Variants in HMG20A observed in about 807,000 individuals in gnomAD.
The protein encoded by HMG20A is high mobility group 20A.
A neutral mutation model predicts 43.9 loss-of-function variants in HMG20A; 17 were observed. The ratio of observed to expected loss-of-function variants is 0.39; its 90% CI spans 0.27 to 0.58. The LOEUF is 0.58. HMG20A is among the 20% of genes least tolerant of loss of function. The pLI, the probability that HMG20A is intolerant of heterozygous loss-of-function variation, is 0.59. For missense variants in HMG20A, 341 were observed against 438.2 expected (o/e 0.78, Z 1.98); for synonymous variants, 132 against 147.5 (o/e 0.89, Z 0.76).
chr15:77,468,597 T>TCACACACACACACACA (rs141417839), intron 4 of HMG20A, among the ~76,000 whole-genome samples: 1 of 147,708 alleles, frequency 6.8e-6, no homozygotes, highest in African/African-American at 2.5e-5. Context: ...TCTCTCTCTG[T>TCACACACACACACACA]CACACACACA....
At chr15:77,431,839 C>A (rs1567389728) in intron 1 of HMG20A, among the ~76,000 whole-genome samples, 1 of 146,864 alleles carries the variant, frequency 6.8e-6, no homozygotes, top group Non-Finnish European at 1.5e-5. Context: ...CTCTATACTT[C>A]CATGAGTTCA....
At chr15:77,487,168 G>A (rs936003037), downstream of HMG20A, among the ~76,000 whole-genome samples, 25 of 152,154 alleles carry the variant, frequency 1.6e-4, no homozygotes, top group African/African-American at 5.8e-4. Context: ...CCTGGAAATC[G>A]TATTCAACAC....
chr15:77,458,607 A>G, intron 2 of HMG20A, 111 bp downstream of exon 2: 1 of 621,224 alleles, frequency 1.6e-6, no homozygotes, highest in South Asian at 2.3e-5. Context: ...TAGACGGTGC[A>G]CTTGTTTCAC....
In HMG20A at chr15:77,478,418, T is replaced by C. The variant is rs1595932768; in HGVS notation, c.815T>C (p.Ile272Thr). The change falls in exon 8 of 10, where the codon ATC becomes ACC. Residue 272 changes from isoleucine to threonine, a missense_variant. This residue lies in a region of HMG20A where 118 missense variants were observed against 154.5 expected (regional missense o/e 0.76). Transcript: ENST00000336216. ...TAVEKLEVDV[I>T]QERSRNTVLQ... is the part of the protein sequence containing the mutation. Reference sequence around the variant, plus strand: ...GTGGAGAAGCTGGAGGTGGATGTGATCCAGGAGCGGAGCCGCAACACAGTC... The same window carrying C: ...GTGGAGAAGCTGGAGGTGGATGTGACCCAGGAGCGGAGCCGCAACACAGTC... The C allele has an allele frequency of 6.2e-7, 1 of 1,613,038 alleles. No homozygotes were observed. The highest frequency in any genetic ancestry group is 1.1e-5 in the South Asian group (1 of 91,036).
chr15:77,452,623 A>G (rs139561378), intron 1 of HMG20A, among the ~76,000 whole-genome samples: 1 of 152,374 alleles, frequency 6.6e-6, no homozygotes, highest in Non-Finnish European at 1.5e-5. Flanking sequence ...AAAGGCATAA[A>G]TGTTAAGAGC....
chr15:77,483,726 A>T lies in HMG20A; in HGVS notation c.*763A>T, dbSNP rs1206135633. The T allele has an allele frequency of 6.5e-6, 1 of 152,714 alleles. No homozygotes were observed. The highest frequency in any genetic ancestry group is 1.9e-4 in the East Asian group (1 of 5,204). The allele number at this position is 152,714 out of a possible 1,614,324, so 9.5% of individuals were successfully genotyped here. On this transcript the variant is annotated 3_prime_UTR_variant, in exon 10 of 10. Transcript: ENST00000336216. ...TGTTTTCTAAGCATTGCTCCTGCAC[A>T]GACATGGAGTCCCAGCCCCAGCAAG...
At chr15:77,468,144 T>C (rs1258475547) in intron 4 of HMG20A, among the ~76,000 whole-genome samples, 1 of 152,250 alleles carries the variant, frequency 6.6e-6, no homozygotes, top group Non-Finnish European at 1.5e-5. Flanking sequence ...TCTGTGTTTG[T>C]GGTAGCAAGC....
rs535108374 is a variant in HMG20A at position 77,483,101 on chromosome 15, G to C, written c.*138G>C. ...TTGCTTGTGAAAGAATTATCAGTGA[G>C]TGAAAGGCCATCACCCCAGGAAGCC... On this transcript the variant is annotated 3_prime_UTR_variant, in exon 10 of 10. Coordinates refer to ENST00000336216, the MANE Select transcript of HMG20A (RefSeq NM_001304504.2). The C allele has an allele frequency of 3.9e-5, 6 of 152,264 alleles. No individual in the cohort carries two copies. The highest frequency in any genetic ancestry group is 3.9e-4 in the Admixed American group (6 of 15,282). The allele number at this position is 152,264 out of a possible 1,614,324, so 9.4% of individuals were successfully genotyped here. A position where few individuals can be genotyped will look rare whatever the true frequency, so the allele number is the denominator to read the frequency against.
At chr15:77,489,165 G>A (rs923727572), downstream of HMG20A, among the ~76,000 whole-genome samples, 1 of 152,172 alleles carries the variant, frequency 6.6e-6, no homozygotes, top group Admixed American at 6.5e-5. Flanking sequence ...AATATAAGTT[G>A]TTATAATTTG....
chr15:77,483,234 CATTTCTGTTAAAGTGG>C lies in HMG20A; in HGVS notation c.*274_*289del, dbSNP rs1417319287. ...CGGGTCTTCAGGTTCCTACCATTTCCATTTCTGTTAAAGTGGATCTGCATATCTTCAGCTTACTAGG... is the reference window on the plus strand; with the variant it reads ...CGGGTCTTCAGGTTCCTACCATTTCCATCTGCATATCTTCAGCTTACTAGG... On this transcript the variant is annotated 3_prime_UTR_variant, in exon 10 of 10. Transcript: ENST00000336216. 2 of 152,344 alleles carry C rather than the reference CATTTCTGTTAAAGTGG, an allele frequency of 1.3e-5. No homozygotes were observed. Among genetic ancestry groups the C allele is most frequent in the East Asian group, 3.9e-4 (2 of 5,184 alleles). 9.4% of individuals were successfully genotyped at this position (152,344 alleles called of 1,614,324 possible). A position where few individuals can be genotyped will look rare whatever the true frequency, so the allele number is the denominator to read the frequency against.
the HMG20A span, among the ~76,000 whole-genome samples, chr15:77,512,015 C>G: frequency 1.3e-5 from 2 of 152,122 alleles, no homozygotes; most frequent in Non-Finnish European, 2.9e-5. Context: ...CCCAAGTGTC[C>G]CATCAACAGA....
chr15:77,489,443 A>G (rs118142664), downstream of HMG20A, among the ~76,000 whole-genome samples: 227 of 152,360 alleles, frequency 1.5e-3, 6 homozygotes, highest in East Asian at 0.03. Context: ...TGAGAGTGGC[A>G]TGAGTTCAAA....
chr15:77,445,752 T>C (rs555737774), intron 1 of HMG20A, among the ~76,000 whole-genome samples: 2 of 152,242 alleles, frequency 1.3e-5, no homozygotes, highest in Admixed American at 1.3e-4. Context: ...CCTAGAAGGC[T>C]GCTAAGTGAC....
chr15:77,458,468 A>G lies in HMG20A; in HGVS notation c.61A>G (p.Lys21Glu). ...PPLFADEDGS[K>E]ESNDLATTGL... ...CCTTTTTGCAGATGAAGACGGTTCC[A>G]AGGAGAGTAATGATCTGGCTACCAC... Residue 21 changes from lysine (K) to glutamate (E), a missense_variant, in exon 2 of 10, where the codon AAG (lysine) becomes GAG (glutamate). Lys to Glu is a moderately conservative substitution (Grantham distance 56, BLOSUM62 1). Around this residue, in one of 3 missense-constraint regions of HMG20A, gnomAD observed 220 missense variants for 263.6 expected, o/e 0.83. Transcript: ENST00000336216. 1 of 1,613,198 alleles carries G rather than the reference A, an allele frequency of 6.2e-7. No homozygotes were observed. Among genetic ancestry groups the G allele is most frequent in the Non-Finnish European group, 8.5e-7 (1 of 1,179,272 alleles).
intron 1 of HMG20A, among the ~76,000 whole-genome samples, chr15:77,444,898 A>G (rs2073656069): frequency 6.6e-6 from 1 of 152,232 alleles, no homozygotes; most frequent in Admixed American, 6.5e-5. Context: ...TGTTCAGAGT[A>G]GTAAAGACCA....
At chr15:77,441,225 T>C (rs2073609716) in intron 1 of HMG20A, among the ~76,000 whole-genome samples, 1 of 152,078 alleles carries the variant, frequency 6.6e-6, no homozygotes. Context: ...AAAGATGAGA[T>C]TGGAATCTAG....
intron 1 of HMG20A, among the ~76,000 whole-genome samples, chr15:77,448,128 C>G (rs571716625): frequency 1.3e-5 from 2 of 152,316 alleles, no homozygotes; most frequent in African/African-American, 4.8e-5. Flanking sequence ...CTATTCTGAT[C>G]TAATTCTTCC....
At chr15:77,421,629 G>A (rs2073346601) in intron 1 of HMG20A, among the ~76,000 whole-genome samples, 1 of 152,188 alleles carries the variant, frequency 6.6e-6, no homozygotes, top group Non-Finnish European at 1.5e-5. Context: ...TTTTTATTTA[G>A]GGGACTGAAT....
chr15:77,443,027 C>CTTTTTTTTTT (rs998172099), intron 1 of HMG20A, among the ~76,000 whole-genome samples: 1 of 118,664 alleles, frequency 8.4e-6, no homozygotes, highest in Non-Finnish European at 1.7e-5. Context: ...CTACTTTGAA[C>CTTTTTTTTTT]TTTTTTTTTT....
Sources: gnomAD v4.1 joint callset for allele counts (sites outside exome capture counted in the v4.1 genomes callset) on GRCh38, gnomAD v4.1.1 for gene constraint, gnomAD v4.1.1 regional missense constraint, MANE v1.5 for transcripts, NCBI Gene and HGNC (gene_info 2026-07-23, HGNC 2026-07-21) for gene names.